HPSE2: variants seen among roughly 807,000 people sequenced by gnomAD.
The protein encoded by HPSE2 is heparanase 2 (inactive).
In HPSE2, 38 loss-of-function variants were observed where a neutral mutation model predicts 60.5. The ratio of observed to expected loss-of-function variants is 0.63; its 90% CI spans 0.48 to 0.82. The LOEUF (loss-of-function observed/expected upper bound fraction) is 0.82. Among genes scored for constraint, HPSE2 ranks in the 40% least tolerant of loss-of-function variants. The pLI, the probability that HPSE2 is intolerant of heterozygous loss-of-function variation, is 0.00. For missense variants in HPSE2, 713 were observed against 740.4 expected (o/e 0.96, Z 0.43); for synonymous variants, 295 against 293.2 (o/e 1.01, Z -0.06).
At chr10:98,542,194 C>T (rs1328909802) in intron 9 of HPSE2, among the ~76,000 whole-genome samples, 1 of 152,218 alleles carries the variant, frequency 6.6e-6, no homozygotes, top group Non-Finnish European at 1.5e-5. Context: ...CTGCAGCCAC[C>T]TCTGCTGATA....
At chr10:98,524,001 G>A (rs534413433) in intron 9 of HPSE2, among the ~76,000 whole-genome samples, 150 of 152,288 alleles carry the variant, frequency 9.8e-4, no homozygotes, top group African/African-American at 3.5e-3. Flanking sequence ...GCAGAGTGAA[G>A]GATTTCTGCT....
chr10:98,701,880 C>G (rs531347787), intron 5 of HPSE2, among the ~76,000 whole-genome samples: 1 of 152,236 alleles, frequency 6.6e-6, no homozygotes, highest in Admixed American at 6.5e-5. Flanking sequence ...ACCAATGACA[C>G]TATGAAGAAG....
chr10:99,123,063 T>C (rs1369758438), intron 3 of HPSE2, among the ~76,000 whole-genome samples: 1 of 152,138 alleles, frequency 6.6e-6, no homozygotes, highest in Non-Finnish European at 1.5e-5. Flanking sequence ...AGCTGGCTAG[T>C]CATTTGGAAG....
At chr10:99,233,819 A>T (rs938192913) in intron 1 of HPSE2, among the ~76,000 whole-genome samples, 4 of 152,144 alleles carry the variant, frequency 2.6e-5, no homozygotes, top group Non-Finnish European at 4.4e-5. Flanking sequence ...TACTGTGGCA[A>T]AGGAGACGTC....
At chr10:98,852,025 G>T (rs74352349) in intron 3 of HPSE2, among the ~76,000 whole-genome samples, 5,014 of 151,586 alleles carry the variant, frequency 0.033, 122 homozygotes, top group South Asian at 0.038. Flanking sequence ...CAGCACTACC[G>T]GTGTCCAGCT....
At chr10:98,953,538 C>A (rs557953193) in intron 3 of HPSE2, among the ~76,000 whole-genome samples, 202 of 152,280 alleles carry the variant, frequency 1.3e-3, no homozygotes, top group Admixed American at 2.7e-3. Context: ...CCTGTATTAT[C>A]TATCTAGCCC....
the HPSE2 span, among the ~76,000 whole-genome samples, chr10:99,249,715 C>A: frequency 6.6e-6 from 1 of 152,102 alleles, no homozygotes; most frequent in Non-Finnish European, 1.5e-5. Context: ...TGTGTCCCTG[C>A]CCAAATCTCA....
chr10:99,180,761 G>T (rs1348482388), intron 2 of HPSE2, among the ~76,000 whole-genome samples: 1 of 151,734 alleles, frequency 6.6e-6, no homozygotes, highest in African/African-American at 2.4e-5. Flanking sequence ...GTGGTGATAG[G>T]CATCTGTAGT....
At chr10:98,790,655 C>T (rs1950635330) in intron 3 of HPSE2, among the ~76,000 whole-genome samples, 1 of 148,924 alleles carries the variant, frequency 6.7e-6, no homozygotes, top group African/African-American at 2.6e-5. Flanking sequence ...ACAAAAAAAT[C>T]ATAAGTTGAT....
At chr10:98,646,359 T>C in intron 6 of HPSE2, among the ~76,000 whole-genome samples, 1 of 151,702 alleles carries the variant, frequency 6.6e-6, no homozygotes, top group African/African-American at 2.4e-5. Flanking sequence ...CTGAATGGTC[T>C]AGAATTACCT....
intron 2 of HPSE2, among the ~76,000 whole-genome samples, chr10:99,216,289 A>T (rs1249101039): frequency 7.1e-6 from 1 of 141,166 alleles, no homozygotes; most frequent in East Asian, 2.1e-4. Context: ...CTACCTCTGG[A>T]GTTCAAGCGA....
chr10:99,036,671 T>A (rs774381332), intron 3 of HPSE2, among the ~76,000 whole-genome samples: 1 of 152,312 alleles, frequency 6.6e-6, no homozygotes, highest in East Asian at 1.9e-4. Context: ...TAATAATTGC[T>A]ACAGGCAAGG....
intron 9 of HPSE2, among the ~76,000 whole-genome samples, chr10:98,609,320 T>C (rs1050241024): frequency 6.6e-6 from 1 of 152,220 alleles, no homozygotes; most frequent in African/African-American, 2.4e-5. Flanking sequence ...GCATAGTATC[T>C]AGCACATAGC....
At chr10:98,977,845 T>C (rs1956119912) in intron 3 of HPSE2, among the ~76,000 whole-genome samples, 1 of 151,678 alleles carries the variant, frequency 6.6e-6, no homozygotes, top group African/African-American at 2.4e-5. Context: ...CTTATACAGA[T>C]TATGAATTTA....
chr10:99,031,385 T>G (rs1957495554), intron 3 of HPSE2, among the ~76,000 whole-genome samples: 1 of 152,166 alleles, frequency 6.6e-6, no homozygotes, highest in African/African-American at 2.4e-5. Flanking sequence ...TATAACCCTA[T>G]GCATTATCCC....
intron 2 of HPSE2, among the ~76,000 whole-genome samples, chr10:99,149,992 G>A (rs1388131229): frequency 1.3e-5 from 2 of 151,690 alleles, no homozygotes; most frequent in South Asian, 2.1e-4. Context: ...TCAAAGTAGA[G>A]TTCCAAACTT....
chr10:98,648,932 C>A (rs1365925580), intron 6 of HPSE2, among the ~76,000 whole-genome samples: 1 of 152,044 alleles, frequency 6.6e-6, no homozygotes, highest in Non-Finnish European at 1.5e-5. Flanking sequence ...GCAACCTGCC[C>A]CCATTCCCTT....
intron 3 of HPSE2, among the ~76,000 whole-genome samples, chr10:99,034,929 C>CT (rs1446825790): frequency 6.6e-6 from 1 of 151,890 alleles, no homozygotes; most frequent in African/African-American, 2.4e-5. Flanking sequence ...AATGGTGTAC[C>CT]TTTATAGAGC....
At position 99,182,194 on chromosome 10, in the gene HPSE2, C is replaced by T. The variant is rs146375454; in HGVS notation, c.449-37795G>A. On this transcript the variant is annotated intron_variant, in intron 2 of 11. Coordinates refer to ENST00000370552, the MANE Select transcript of HPSE2 (RefSeq NM_021828.5). ...GATAATTTTAAAAGAGACCTCTTTA[C>T]TTCTTCTCTTTTAGCGATTTTCCTC... Among the ~76,000 whole-genome samples the T allele has an allele frequency of 2.6e-5, 4 of 152,312 alleles. No homozygotes were observed. In the East Asian group the frequency reaches 7.7e-4, roughly 29 times the overall value.
Sources: allele counts gnomAD v4.1 joint callset (sites outside exome capture counted in the v4.1 genomes callset), GRCh38; gene constraint gnomAD v4.1.1; transcripts MANE v1.5; gene names NCBI Gene and HGNC (gene_info 2026-07-23, HGNC 2026-07-21).